Variants in CDC14A observed in about 807,000 individuals in gnomAD.
The protein encoded by CDC14A is cell division cycle 14A.
A neutral mutation model predicts 74.4 loss-of-function variants in CDC14A; 53 were observed. That is an observed-to-expected ratio of 0.71 (90% CI 0.57 to 0.89). The LOEUF is 0.89. Among genes scored for constraint, CDC14A ranks in the 40% least tolerant of loss-of-function variants. The probability of loss-of-function intolerance (pLI) is 0.00; values close to 1 mark genes in which losing one functional copy is unlikely to be tolerated. For missense variants in CDC14A, 646 were observed against 713.7 expected (o/e 0.91, Z 1.08); for synonymous variants, 247 against 258.4 (o/e 0.96, Z 0.43).
At chr1:100,460,205 GTTA>G (rs1186048666) in intron 8 of CDC14A, among the ~76,000 whole-genome samples, 1 of 152,160 alleles carries the variant, frequency 6.6e-6, no homozygotes, top group Non-Finnish European at 1.5e-5. Context: ...AATTATTGTT[GTTA>G]TTATTATTTC....
chr1:100,454,924 C>G (rs1666529170), intron 7 of CDC14A, among the ~76,000 whole-genome samples: 2 of 151,932 alleles, frequency 1.3e-5, no homozygotes. Flanking sequence ...ATTTCCCCCT[C>G]TAAAAATCAG....
At chr1:100,393,567 A>T (rs1322363193) in intron 4 of CDC14A, 7 of 736,030 alleles carry the variant, frequency 9.5e-6, no homozygotes, top group African/African-American at 1.7e-5. Context: ...CAGGTAGTTC[A>T]TAGTAGGTTG....
rs550994660 is a variant in CDC14A at position 100,512,635 on chromosome 1, T to C, written c.1756-5616T>C. On this transcript the variant is annotated intron_variant, in intron 15 of 15. Transcript: ENST00000336454. ...TAACAATTGAGCTCTTTGTGATTGT[T>C]GAAAAGCATATATTAAATTTCTCCA... Among the ~76,000 whole-genome samples, 11 of 152,340 alleles carry C rather than the reference T, an allele frequency of 7.2e-5. No individual in the cohort carries two copies. In the South Asian group the frequency reaches 2.1e-3, roughly 29 times the overall value.
At chr1:100,504,620 G>A (rs1041356484) in intron 15 of CDC14A, among the ~76,000 whole-genome samples, 6 of 152,200 alleles carry the variant, frequency 3.9e-5, no homozygotes, top group African/African-American at 1.4e-4. Context: ...CTGCTTTAAA[G>A]CATTGCCAGA....
At chr1:100,423,509 A>G (rs1012068182) in intron 4 of CDC14A, among the ~76,000 whole-genome samples, 7 of 152,196 alleles carry the variant, frequency 4.6e-5, no homozygotes, top group Admixed American at 3.3e-4. Context: ...CTATTAAGGG[A>G]GGTGCCAGTA....
intron 10 of CDC14A, among the ~76,000 whole-genome samples, chr1:100,482,476 G>T (rs1669583376): frequency 6.6e-6 from 1 of 152,074 alleles, no homozygotes. Flanking sequence ...CATCTTTCCA[G>T]ATACTTCTGG....
At position 100,468,094 on chromosome 1, in the gene CDC14A, A is replaced by G. The variant is rs772769530; in HGVS notation, c.977A>G (p.Glu326Gly). ...IIGPQQHFLE[E>G]KQASLWVQGD... The stretch of plus-strand genomic sequence containing the variant: ...GGACCCCAGCAGCACTTCCTGGAAG[A>G]GTAAGTATATTGTCCCCATTACCAC... The change falls in exon 10 of 16, where the codon GAA (glutamate) becomes GGA (glycine). Residue 326 changes from glutamate (E) to glycine (G), a missense_variant and splice_region_variant. By Grantham distance (98) the Glu-to-Gly change is moderately conservative. Transcript: ENST00000336454. 8.7e-6 allele frequency: 14 copies of G among 1,613,600 alleles called. No individual in the cohort carries two copies. The African/African-American group carries it at 1.6e-4, about 18-fold the overall frequency.
intron 2 of CDC14A, among the ~76,000 whole-genome samples, chr1:100,358,614 T>C (rs1008592168): frequency 2.0e-5 from 3 of 152,264 alleles, no homozygotes; most frequent in Admixed American, 1.3e-4. Context: ...CCAAATGTTT[T>C]AGCATGTTAA....
intron 2 of CDC14A, among the ~76,000 whole-genome samples, chr1:100,357,682 G>A (rs1352090785): frequency 1.3e-5 from 2 of 151,188 alleles, no homozygotes; most frequent in Admixed American, 6.6e-5. Flanking sequence ...GATTGCTTGA[G>A]GCCTGCAGTT....
chr1:100,515,344 AC>A (rs1650098173), intron 15 of CDC14A, among the ~76,000 whole-genome samples: 1 of 151,042 alleles, frequency 6.6e-6, no homozygotes, highest in Admixed American at 6.6e-5. Flanking sequence ...GATCTTGGAG[AC>A]TTGAACAATT....
chr1:100,400,107 T>G (rs1303355252), intron 4 of CDC14A, among the ~76,000 whole-genome samples: 1 of 152,224 alleles, frequency 6.6e-6, no homozygotes, highest in Non-Finnish European at 1.5e-5. Context: ...CTGCTGAGTA[T>G]ACAGAAATTT....
intron 4 of CDC14A, among the ~76,000 whole-genome samples, chr1:100,410,949 T>C (rs816179): frequency 0.67 from 102,165 of 152,092 alleles, 35,796 homozygotes; most frequent in African/African-American, 0.88. Flanking sequence ...TGACTTTTAC[T>C]GTGTTACTCT....
At chr1:100,474,495 A>G (rs2101299777) in intron 10 of CDC14A, among the ~76,000 whole-genome samples, 1 of 152,250 alleles carries the variant, frequency 6.6e-6, no homozygotes, top group African/African-American at 2.4e-5. Context: ...AATTTCCTTA[A>G]TAGATATAAG....
At chr1:100,489,520 T>C (rs1172651580) in intron 11 of CDC14A, among the ~76,000 whole-genome samples, 2 of 152,062 alleles carry the variant, frequency 1.3e-5, no homozygotes, top group African/African-American at 4.8e-5. Context: ...AGAAAACAAC[T>C]GGTGGAATAA....
intron 2 of CDC14A, among the ~76,000 whole-genome samples, chr1:100,370,818 A>G (rs1251764005): frequency 6.6e-6 from 1 of 152,084 alleles, no homozygotes; most frequent in African/African-American, 2.4e-5. Context: ...TGAATTTTAG[A>G]ATAGTTTTTT....
At chr1:100,372,849 C>T (rs1444979554) in intron 2 of CDC14A, among the ~76,000 whole-genome samples, 1 of 152,216 alleles carries the variant, frequency 6.6e-6, no homozygotes, top group Non-Finnish European at 1.5e-5. Flanking sequence ...CCTCTCTTAA[C>T]CTTCATAGAA....
In CDC14A at chr1:100,508,924, T is replaced by C. The variant is rs953429844; in HGVS notation, c.1756-9327T>C. On this transcript the variant is annotated intron_variant, in intron 15 of 15. Coordinates refer to ENST00000336454, the MANE Select transcript of CDC14A (RefSeq NM_003672.4). The surrounding 1 kb of genome is among the most constrained non-coding windows in gnomAD (Gnocchi z 4.4). ...TTCTTCTTCATCTTTAAAAAATATT[T>C]AATGCATGCATCCAGAGGGTAGTTT... Among the ~76,000 whole-genome samples the C allele has an allele frequency of 6.6e-6, 1 of 152,188 alleles. No homozygotes were observed. Among genetic ancestry groups the C allele is most frequent in the African/African-American group, 2.4e-5 (1 of 41,440 alleles).
At chr1:100,414,355 T>C (rs983280281) in intron 4 of CDC14A, among the ~76,000 whole-genome samples, 4 of 152,186 alleles carry the variant, frequency 2.6e-5, no homozygotes, top group African/African-American at 9.7e-5. Context: ...ATATTATCTT[T>C]TACAGATAAA....
At position 100,498,126 on chromosome 1, in the gene CDC14A, C is replaced by T. The variant is rs760095832; in HGVS notation, c.1340C>T (p.Thr447Ile). The T allele has an allele frequency of 6.2e-7, 1 of 1,614,082 alleles. No homozygotes were observed. Among genetic ancestry groups the T allele is most frequent in the Non-Finnish European group, 8.5e-7 (1 of 1,179,932 alleles). ...CAAGGATCTGCAGTTACTTTGAAGA[C>T]ATCAAAAATGGCACTGTCCCCTTCA... is the stretch of plus-strand genomic sequence containing the variant. ...SLQGSAVTLK[T>I]SKMALSPSAT... is the part of the protein sequence containing the mutation. Residue 447 changes from threonine (T) to isoleucine (I), a missense_variant, in exon 14 of 16, where the codon ACA becomes ATA. Transcript: ENST00000336454.
Sources: allele counts gnomAD v4.1 joint callset (sites outside exome capture counted in the v4.1 genomes callset), GRCh38; gene constraint gnomAD v4.1.1; non-coding constraint Gnocchi (gnomAD v3.1); transcripts MANE v1.5; gene names NCBI Gene and HGNC (gene_info 2026-07-23, HGNC 2026-07-21).